CNBD1: variants seen among roughly 807,000 people sequenced by gnomAD.
CNBD1 encodes cyclic nucleotide-binding domain-containing protein 1.
Under a neutral mutation model 54.4 loss-of-function variants are expected in CNBD1, and 71 were observed. The observed-to-expected ratio is 1.30, with a 90% CI of 1.08 to 1.59. The LOEUF (loss-of-function observed/expected upper bound fraction) is 1.59, where lower values mean the gene tolerates loss of function less well. Ranked by LOEUF, CNBD1 falls within the 40% of genes most tolerant of loss-of-function variation. CNBD1 has a pLI of 0.00. For missense variants in CNBD1, 659 were observed against 518.0 expected (o/e 1.27, Z -2.64); for synonymous variants, 182 against 170.7 (o/e 1.07, Z -0.51).
chr8:87,030,782 G>T (rs1453888496), intron 4 of CNBD1, among the ~76,000 whole-genome samples: 2 of 151,732 alleles, frequency 1.3e-5, no homozygotes, highest in South Asian at 4.2e-4. Flanking sequence ...TAACATCTGT[G>T]TTCAAGGCAG....
chr8:87,145,239 G>C (rs1812458309), intron 4 of CNBD1, among the ~76,000 whole-genome samples: 1 of 152,126 alleles, frequency 6.6e-6, no homozygotes, highest in Non-Finnish European at 1.5e-5. Context: ...AATAGATTGG[G>C]AGTGGATAGC....
rs565454374 is a variant in CNBD1 at position 87,305,834 on chromosome 8, CA to C, written c.1042+19164del. On this transcript the variant is annotated intron_variant, in intron 8 of 10. Transcript: ENST00000518476. The stretch of plus-strand genomic sequence containing the variant: ...ATAACATCAGGAAAACCCTTCTAGT[CA>C]TTGGCTTAAACAAGGATTTCATGAC... 4.3e-3 allele frequency among the ~76,000 whole-genome samples: 650 copies of C among 152,240 alleles called. 7 individuals are homozygous for C. Among genetic ancestry groups the C allele is most frequent in the African/African-American group, 0.015 (621 of 41,554 alleles).
At chr8:86,948,046 A>G (rs762690823) in intron 4 of CNBD1, among the ~76,000 whole-genome samples, 2 of 152,134 alleles carry the variant, frequency 1.3e-5, no homozygotes, top group Admixed American at 6.6e-5. Flanking sequence ...TTCATTTAAT[A>G]TAATGACCTC....
chr8:87,166,048 A>G lies in CNBD1; in HGVS notation c.432-39945A>G, dbSNP rs1252809323. Among the ~76,000 whole-genome samples the G allele has an allele frequency of 6.6e-6, 1 of 151,944 alleles. No individual in the cohort carries two copies. Among genetic ancestry groups the G allele is most frequent in the Non-Finnish European group, 1.5e-5 (1 of 67,912 alleles). On this transcript the variant is annotated intron_variant, in intron 4 of 10. Transcript: ENST00000518476. This position sits in a 1 kb window ranked among gnomAD's most constrained non-coding sequence, Gnocchi z 4.3. Reference sequence around the variant, plus strand: ...TTCACGTATTGAATTGTCATTTTGAAGGCCTTATAAGGGCATCTTCTACCA... The same window carrying G: ...TTCACGTATTGAATTGTCATTTTGAGGGCCTTATAAGGGCATCTTCTACCA...
downstream of CNBD1, among the ~76,000 whole-genome samples, chr8:87,387,076 A>T (rs189920777): frequency 3.9e-5 from 6 of 152,338 alleles, no homozygotes; most frequent in East Asian, 9.6e-4. Flanking sequence ...TGTCACCACC[A>T]GGCCTGCCCT....
chr8:87,047,965 G>T (rs1352122915), intron 4 of CNBD1, among the ~76,000 whole-genome samples: 2 of 152,300 alleles, frequency 1.3e-5, no homozygotes, highest in South Asian at 2.1e-4. Context: ...AGTGTAAGGT[G>T]CCTGACTTCT....
At chr8:86,956,278 T>G (rs532528688) in intron 4 of CNBD1, among the ~76,000 whole-genome samples, 1 of 152,280 alleles carries the variant, frequency 6.6e-6, no homozygotes, top group East Asian at 1.9e-4. Flanking sequence ...GCCTCCAGCT[T>G]TGTTCTTTTG....
intron 8 of CNBD1, among the ~76,000 whole-genome samples, chr8:87,311,714 T>A (rs958184737): frequency 6.6e-6 from 1 of 152,068 alleles, no homozygotes; most frequent in Non-Finnish European, 1.5e-5. Context: ...ATCAACAGTG[T>A]ATTAGATAAA....
intron 4 of CNBD1, among the ~76,000 whole-genome samples, chr8:87,017,298 T>C (rs934324984): frequency 6.6e-6 from 1 of 152,226 alleles, no homozygotes; most frequent in Non-Finnish European, 1.5e-5. Context: ...TGGGAATGTT[T>C]TCCCCTTTCT....
intron 8 of CNBD1, among the ~76,000 whole-genome samples, chr8:87,303,057 C>T (rs983386602): frequency 6.6e-6 from 1 of 151,880 alleles, no homozygotes; most frequent in Admixed American, 6.6e-5. Context: ...AATGGCCATA[C>T]TGCCCAAGGT....
intron 5 of CNBD1, among the ~76,000 whole-genome samples, chr8:87,209,028 C>A (rs1463820610): frequency 6.6e-6 from 1 of 151,884 alleles, no homozygotes; most frequent in Non-Finnish European, 1.5e-5. Context: ...GGCATCTTTT[C>A]TAGACATCAA....
intron 4 of CNBD1, among the ~76,000 whole-genome samples, chr8:87,193,680 A>AT (rs1449363085): frequency 1.3e-5 from 2 of 152,032 alleles, no homozygotes; most frequent in Admixed American, 6.6e-5. Context: ...TGTTTTATTA[A>AT]TTTTTTTCTT....
intron 4 of CNBD1, among the ~76,000 whole-genome samples, chr8:87,044,109 T>G (rs776175834): frequency 3.9e-5 from 6 of 152,222 alleles, no homozygotes; most frequent in Non-Finnish European, 7.3e-5. Context: ...AGACTTAATA[T>G]TTCTTCAAAA....
intron 4 of CNBD1, among the ~76,000 whole-genome samples, chr8:87,062,450 T>G (rs1810565715): frequency 1.3e-5 from 2 of 152,160 alleles, no homozygotes; most frequent in Admixed American, 6.5e-5. Context: ...TTAAAATGCT[T>G]TGTACAGCCA....
At chr8:87,164,989 G>T (rs1812932036) in intron 4 of CNBD1, among the ~76,000 whole-genome samples, 1 of 151,222 alleles carries the variant, frequency 6.6e-6, no homozygotes, top group Non-Finnish European at 1.5e-5. Flanking sequence ...ATTTTCATAA[G>T]TCACAAGATT....
At chr8:87,228,911 C>T (rs938901092) in intron 5 of CNBD1, among the ~76,000 whole-genome samples, 1 of 152,248 alleles carries the variant, frequency 6.6e-6, no homozygotes, top group Non-Finnish European at 1.5e-5. Context: ...GGGTAGGACC[C>T]TCCGAGCCAG....
intron 2 of CNBD1, among the ~76,000 whole-genome samples, chr8:87,390,859 A>T (rs911053813): frequency 6.6e-6 from 1 of 152,346 alleles, no homozygotes; most frequent in Non-Finnish European, 1.5e-5. Context: ...CAACAATGAT[A>T]GACTGGATTA....
chr8:87,279,783 C>T (rs748208273), intron 6 of CNBD1, among the ~76,000 whole-genome samples: 6 of 150,656 alleles, frequency 4.0e-5, no homozygotes, highest in Non-Finnish European at 8.9e-5. Flanking sequence ...AAAGGAAATG[C>T]TTTATATTAC....
chr8:87,398,478 A>G (rs756846822), intron 2 of CNBD1, among the ~76,000 whole-genome samples: 28 of 152,080 alleles, frequency 1.8e-4, no homozygotes, highest in Non-Finnish European at 4.1e-4. Flanking sequence ...TTTGAGTGGC[A>G]TATGTTTAAC....
Sources: gnomAD v4.1 joint callset for allele counts (sites outside exome capture counted in the v4.1 genomes callset) on GRCh38, gnomAD v4.1.1 for gene constraint, Gnocchi (gnomAD v3.1) non-coding constraint, MANE v1.5 for transcripts, NCBI Gene and HGNC (gene_info 2026-07-23, HGNC 2026-07-21) for gene names.